The following HCRTR2 variants were observed in gnomAD, a reference collection of about 807,000 sequenced individuals.
HCRTR2 encodes the protein orexin receptor type 2.
Under a neutral mutation model 49.0 loss-of-function variants are expected in HCRTR2, and 22 were observed. The ratio of observed to expected loss-of-function variants is 0.45; its 90% CI spans 0.32 to 0.64. The LOEUF (loss-of-function observed/expected upper bound fraction) is 0.64. Among genes scored for constraint, HCRTR2 ranks in the 30% least tolerant of loss-of-function variants. The probability of loss-of-function intolerance (pLI) is 0.04; values close to 1 mark genes in which losing one functional copy is unlikely to be tolerated. For missense variants in HCRTR2, 491 were observed against 559.4 expected, an observed-to-expected ratio of 0.88 and a Z score of 1.23; for synonymous variants, 236 against 205.3, an observed-to-expected ratio of 1.15 and a Z score of -1.28.
chr6:55,116,469 A>G (rs1764118363), intron 1 of HCRTR2, among the ~76,000 whole-genome samples: 1 of 151,412 alleles, frequency 6.6e-6, no homozygotes, highest in South Asian at 2.1e-4. Context: ...AGAGAGTTGG[A>G]AGAGGAAGAG....
intron 1 of HCRTR2, among the ~76,000 whole-genome samples, chr6:55,213,256 G>A (rs890676529): frequency 3.3e-5 from 5 of 152,054 alleles, no homozygotes; most frequent in African/African-American, 1.2e-4. Flanking sequence ...GGGTTTCAGG[G>A]ATATTGTTTA....
intron 1 of HCRTR2, among the ~76,000 whole-genome samples, chr6:55,245,350 C>CA (rs1403074390): frequency 1.0e-4 from 15 of 145,036 alleles, no homozygotes; most frequent in African/African-American, 3.6e-4. Flanking sequence ...AGCATCTACA[C>CA]AAGGGAACCG....
intron 4 of HCRTR2, chr6:55,264,039 T>G: frequency 2.0e-6 from 1 of 503,468 alleles, no homozygotes; most frequent in Non-Finnish European, 3.5e-6. Flanking sequence ...GTCTAGGCAT[T>G]TTTAGAGTAA....
upstream of HCRTR2, among the ~76,000 whole-genome samples, chr6:55,170,002 G>A (rs2127266689): frequency 6.6e-6 from 1 of 151,092 alleles, no homozygotes; most frequent in East Asian, 2.0e-4. Flanking sequence ...TATAATCTGG[G>A]ACAGCCCATA....
chr6:55,145,041 T>C (rs1463534759), intron 1 of HCRTR2, among the ~76,000 whole-genome samples: 2 of 152,304 alleles, frequency 1.3e-5, no homozygotes, highest in Non-Finnish European at 2.9e-5. Context: ...GTCTACTTTG[T>C]TGCTTCTTTT....
intron 1 of HCRTR2, 59 bp downstream of exon 1, chr6:55,174,869 G>T: frequency 7.0e-7 from 1 of 1,423,584 alleles, no homozygotes; most frequent in Admixed American, 1.7e-5. Context: ...GCCCCGGGCT[G>T]AGAAGGCTCT....
intron 3 of HCRTR2, among the ~76,000 whole-genome samples, chr6:55,257,189 G>A (rs1229922957): frequency 6.6e-6 from 1 of 152,028 alleles, no homozygotes; most frequent in African/African-American, 2.4e-5. Flanking sequence ...AAACAAGATG[G>A]GTTGGGGACT....
At chr6:55,167,626 T>G (rs1158281989) in intron 1 of HCRTR2, among the ~76,000 whole-genome samples, 1 of 152,174 alleles carries the variant, frequency 6.6e-6, no homozygotes, top group Non-Finnish European at 1.5e-5. Context: ...AACTCTCATG[T>G]GCCCCTGGGA....
chr6:55,252,013 C>T (rs1766560031), intron 2 of HCRTR2, among the ~76,000 whole-genome samples: 2 of 152,084 alleles, frequency 1.3e-5, no homozygotes, highest in African/African-American at 4.8e-5. Flanking sequence ...AACAACAAAA[C>T]TTTCACTTAT....
chr6:55,138,737 G>A (rs1192970951), intron 1 of HCRTR2, among the ~76,000 whole-genome samples: 2 of 152,088 alleles, frequency 1.3e-5, no homozygotes, highest in Non-Finnish European at 2.9e-5. Flanking sequence ...GTTACTCTCC[G>A]GCACACTTAT....
intron 2 of HCRTR2, among the ~76,000 whole-genome samples, chr6:55,250,458 T>C (rs772257807): frequency 2.6e-4 from 39 of 152,134 alleles, no homozygotes; most frequent in Non-Finnish European, 3.7e-4. Flanking sequence ...ATTTTGAGGA[T>C]TCTCTTAAGT....
chr6:55,161,148 G>T (rs1261199544), intron 1 of HCRTR2, among the ~76,000 whole-genome samples: 2 of 152,152 alleles, frequency 1.3e-5, no homozygotes, highest in African/African-American at 4.8e-5. Flanking sequence ...AGACCACAGT[G>T]CAATCAAATA....
intron 4 of HCRTR2, among the ~76,000 whole-genome samples, chr6:55,272,770 G>A (rs1053347908): frequency 4.0e-5 from 6 of 151,016 alleles, no homozygotes; most frequent in African/African-American, 1.5e-4. Context: ...ACTTTAAAAT[G>A]GTCCATAGAT....
downstream of HCRTR2, among the ~76,000 whole-genome samples, chr6:55,283,714 T>A (rs569587650): frequency 3.9e-5 from 6 of 152,310 alleles, no homozygotes; most frequent in South Asian, 2.1e-4. Flanking sequence ...CCTATTATGG[T>A]AACAGGTGTT....
At chr6:55,186,335 C>A (rs1765215834) in intron 1 of HCRTR2, among the ~76,000 whole-genome samples, 1 of 152,132 alleles carries the variant, frequency 6.6e-6, no homozygotes, top group East Asian at 1.9e-4. Context: ...AATAAAGCTT[C>A]AATAATTTGA....
intron 4 of HCRTR2, among the ~76,000 whole-genome samples, chr6:55,264,202 C>T (rs1766821420): frequency 6.6e-6 from 1 of 151,910 alleles, no homozygotes; most frequent in South Asian, 2.1e-4. Flanking sequence ...ATTTTTGAGA[C>T]TCTAAGTCTG....
At chr6:55,131,050 G>C (rs919099682) in intron 1 of HCRTR2, among the ~76,000 whole-genome samples, 4 of 151,782 alleles carry the variant, frequency 2.6e-5, no homozygotes, top group African/African-American at 9.7e-5. Context: ...GTAAGAGTGA[G>C]GTTGACTTGA....
rs990287549 is a variant in HCRTR2, at chr6:55,155,809, C to T, written c.-377-18402C>T. 5.3e-5 allele frequency among the ~76,000 whole-genome samples: 8 copies of T among 152,058 alleles called. No individual in the cohort carries two copies. The East Asian group carries it at 7.7e-4, about 15-fold the overall frequency. On this transcript the variant is annotated intron_variant, in intron 1 of 7. Transcript: ENST00000615358. ...CTCGTTGGCTATCTTAGGAAATTCACATTGTTTTTGAAGAATATATGAACA... is the reference window on the plus strand; with the variant it reads ...CTCGTTGGCTATCTTAGGAAATTCATATTGTTTTTGAAGAATATATGAACA...
At chr6:55,267,723 C>G (rs899854702) in intron 4 of HCRTR2, among the ~76,000 whole-genome samples, 5 of 152,052 alleles carry the variant, frequency 3.3e-5, no homozygotes, top group African/African-American at 1.2e-4. Context: ...TTCTTGTTCC[C>G]AGCTCTTATC....
Sources: gnomAD v4.1 joint callset for allele counts (sites outside exome capture counted in the v4.1 genomes callset) on GRCh38, gnomAD v4.1.1 for gene constraint, MANE v1.5 for transcripts, NCBI Gene and HGNC (gene_info 2026-07-23, HGNC 2026-07-21) for gene names.